The following ASTN2 variants were observed in gnomAD, a reference collection of about 807,000 sequenced individuals.
ASTN2 encodes the protein astrotactin-2.
A neutral mutation model predicts 139.8 loss-of-function variants in ASTN2; 54 were observed. That is an observed-to-expected ratio of 0.39 (90% CI 0.31 to 0.48). The LOEUF (loss-of-function observed/expected upper bound fraction) is 0.48. Ranked by LOEUF, ASTN2 falls within the 20% of genes least tolerant of loss-of-function variation. ASTN2 has a pLI of 0.95. For synonymous variants in ASTN2, 756 were observed against 719.5 expected (o/e 1.05, Z -0.81); for missense variants, 1,565 against 1,725.1 (o/e 0.91, Z 1.64).
chr9:117,073,766 G>C (rs1021068368), intron 5 of ASTN2, among the ~76,000 whole-genome samples: 1 of 152,172 alleles, frequency 6.6e-6, no homozygotes, highest in Admixed American at 6.6e-5. Flanking sequence ...GGAGCAGGCG[G>C]TGGAATTTCT....
intron 10 of ASTN2, among the ~76,000 whole-genome samples, chr9:116,965,771 T>TGA (rs1391615697): frequency 1.3e-5 from 2 of 152,144 alleles, no homozygotes; most frequent in Admixed American, 1.3e-4. Context: ...AGGGCTTCCA[T>TGA]GCAGGAAGTG....
intron 2 of ASTN2, among the ~76,000 whole-genome samples, chr9:117,250,400 T>C (rs963897035): frequency 2.0e-5 from 3 of 152,244 alleles, no homozygotes; most frequent in South Asian, 4.1e-4. Context: ...AGGAATGATT[T>C]TCTTTGGTAA....
chr9:116,443,061 A>G (rs1390880059), intron 20 of ASTN2, among the ~76,000 whole-genome samples: 2 of 152,232 alleles, frequency 1.3e-5, no homozygotes, highest in Non-Finnish European at 2.9e-5. Flanking sequence ...AAAGTAAACA[A>G]AAAATCAGAT....
chr9:116,605,624 A>T (rs1855153076), intron 19 of ASTN2, among the ~76,000 whole-genome samples: 1 of 152,078 alleles, frequency 6.6e-6, no homozygotes, highest in Non-Finnish European at 1.5e-5. Context: ...TTGGAACTTT[A>T]GGGATTCACA....
At chr9:116,968,347 T>C (rs1225953316) in intron 10 of ASTN2, among the ~76,000 whole-genome samples, 1 of 152,196 alleles carries the variant, frequency 6.6e-6, no homozygotes, top group East Asian at 1.9e-4. Context: ...CTAGGGGTAC[T>C]GCCTAGTCCC....
intron 16 of ASTN2, among the ~76,000 whole-genome samples, chr9:116,711,412 C>T (rs537709112): frequency 6.6e-6 from 1 of 152,252 alleles, no homozygotes; most frequent in African/African-American, 2.4e-5. Context: ...CTTAAGAAAA[C>T]AAATTGCAAA....
intron 3 of ASTN2, among the ~76,000 whole-genome samples, chr9:117,151,125 G>A (rs754514168): frequency 6.6e-6 from 1 of 151,968 alleles, no homozygotes; most frequent in Non-Finnish European, 1.5e-5. Flanking sequence ...AGCCTCTTGA[G>A]TATCTGAGAC....
intron 20 of ASTN2, among the ~76,000 whole-genome samples, chr9:116,461,662 G>T (rs1848491286): frequency 6.6e-6 from 1 of 152,004 alleles, no homozygotes; most frequent in Non-Finnish European, 1.5e-5. Context: ...CCATCTCATA[G>T]GCCAATGTAT....
intron 5 of ASTN2, among the ~76,000 whole-genome samples, chr9:117,046,697 A>G (rs1378891764): frequency 3.3e-5 from 5 of 152,190 alleles, no homozygotes; most frequent in Non-Finnish European, 7.3e-5. Flanking sequence ...AATGCCTTTA[A>G]TTGGGAATTA....
intron 16 of ASTN2, among the ~76,000 whole-genome samples, chr9:116,725,533 C>T (rs933547070): frequency 6.6e-6 from 1 of 152,166 alleles, no homozygotes; most frequent in East Asian, 1.9e-4. Flanking sequence ...GTCTAGAACA[C>T]TAACTTGAGG....
At chr9:117,310,952 C>T (rs1827956221) in intron 1 of ASTN2, among the ~76,000 whole-genome samples, 1 of 152,158 alleles carries the variant, frequency 6.6e-6, no homozygotes. Flanking sequence ...TTCCAGAGGT[C>T]TCCAATGAGA....
At chr9:117,094,631 T>C (rs1056730939) in intron 5 of ASTN2, among the ~76,000 whole-genome samples, 17 of 152,138 alleles carry the variant, frequency 1.1e-4, no homozygotes, top group African/African-American at 3.4e-4. Flanking sequence ...ATCCCATTTT[T>C]CCAATGGCTA....
rs1163757907 is a variant in ASTN2 at position 116,565,381 on chromosome 9, C to A, written c.3355+52943G>T. On this transcript the variant is annotated intron_variant, in intron 19 of 22. Transcript: ENST00000313400. ...TCTCTCTCTCTCTCTCTCTCTCTCT[C>A]TCTCTCCATATATATATATATATAT... Among the ~76,000 whole-genome samples, 110 of 34,694 alleles carry A rather than the reference C, an allele frequency of 3.2e-3. 1 individual carries two copies. The highest frequency in any genetic ancestry group is 4.8e-3 in the Non-Finnish European group (96 of 19,920). 22.8% of individuals were successfully genotyped at this position (34,694 alleles called of 152,430 possible).
In ASTN2 at chr9:117,209,688, A is replaced by T. The variant is rs1440750834; in HGVS notation, c.1015+4670T>A. 3.3e-5 allele frequency among the ~76,000 whole-genome samples: 5 copies of T among 152,144 alleles called. No individual in the cohort carries two copies. The South Asian group carries it at 1.0e-3, about 32-fold the overall frequency. On this transcript the variant is annotated intron_variant, in intron 3 of 22. Coordinates refer to ENST00000313400, the MANE Select transcript of ASTN2 (RefSeq NM_001365068.1). ...CAAAGAAAGATCATATTTAAACTTC[A>T]CTATAGACCAAATGGATGTGATAGA...
chr9:116,430,214 G>T (rs1426900514), intron 22 of ASTN2, among the ~76,000 whole-genome samples: 1 of 152,150 alleles, frequency 6.6e-6, no homozygotes, highest in African/African-American at 2.4e-5. Flanking sequence ...TTCTTCCAAA[G>T]GAACAGACAA....
At chr9:117,221,531 A>G (rs918031601) in intron 2 of ASTN2, among the ~76,000 whole-genome samples, 1 of 152,224 alleles carries the variant, frequency 6.6e-6, no homozygotes, top group Non-Finnish European at 1.5e-5. Context: ...TTGGTATTCT[A>G]AGACTGGATT....
intron 20 of ASTN2, among the ~76,000 whole-genome samples, chr9:116,457,590 T>G (rs1009075329): frequency 2.0e-5 from 3 of 152,086 alleles, no homozygotes; most frequent in Admixed American, 6.5e-5. Flanking sequence ...CAAACAGGTA[T>G]ATAAGTAAGT....
intron 1 of ASTN2, among the ~76,000 whole-genome samples, chr9:117,296,495 T>C (rs778698291): frequency 3.3e-5 from 5 of 152,082 alleles, no homozygotes; most frequent in Admixed American, 2.6e-4. Flanking sequence ...TCTCTGCTGA[T>C]TGATTTTCCA....
intron 11 of ASTN2, among the ~76,000 whole-genome samples, chr9:116,832,614 T>A (rs1216832951): frequency 6.6e-6 from 1 of 152,096 alleles, no homozygotes; most frequent in Non-Finnish European, 1.5e-5. Context: ...TCCATTGATA[T>A]GATGATGTGA....
Sources: allele counts gnomAD v4.1 joint callset (sites outside exome capture counted in the v4.1 genomes callset), GRCh38; gene constraint gnomAD v4.1.1; transcripts MANE v1.5; gene names NCBI Gene and HGNC (gene_info 2026-07-23, HGNC 2026-07-21).